The following ZFPM2 variants were observed in gnomAD, a reference collection of about 807,000 sequenced individuals.
The protein encoded by ZFPM2 is zinc finger protein ZFPM2.
A neutral mutation model predicts 98.6 loss-of-function variants in ZFPM2; 20 were observed. The observed-to-expected ratio is 0.20, with a 90% CI of 0.14 to 0.29. The LOEUF is 0.29. ZFPM2 is among the 10% of genes least tolerant of loss of function. The pLI, the probability that ZFPM2 is intolerant of heterozygous loss-of-function variation, is 1.00. For missense variants in ZFPM2, 1,310 were observed against 1,388.6 expected (o/e 0.94, Z 0.90); for synonymous variants, 518 against 502.7 (o/e 1.03, Z -0.41).
intron 1 of ZFPM2, among the ~76,000 whole-genome samples, chr8:105,389,535 AAATAACATTCTACTAC>A (rs1169563508): frequency 2.0e-5 from 3 of 152,172 alleles, no homozygotes; most frequent in Non-Finnish European, 4.4e-5. Context: ...TTTCTCTTCA[AAATAACATTCTACTAC>A]ATTGTTATTC....
intron 3 of ZFPM2, among the ~76,000 whole-genome samples, chr8:105,476,684 GTA>G (rs1813018514): frequency 6.6e-6 from 1 of 152,248 alleles, no homozygotes; most frequent in South Asian, 2.1e-4. Context: ...GATTTGCATA[GTA>G]TAGGGCCCAT....
chr8:105,454,682 G>GTGAA (rs972928232), intron 3 of ZFPM2, among the ~76,000 whole-genome samples: 1 of 152,132 alleles, frequency 6.6e-6, no homozygotes, highest in Admixed American at 6.5e-5. Context: ...CATTTTTTAT[G>GTGAA]TGAATGTATT....
chr8:105,580,827 C>CTCTCTCTA (rs1277698205), intron 4 of ZFPM2, among the ~76,000 whole-genome samples: 16 of 131,452 alleles, frequency 1.2e-4, no homozygotes, highest in African/African-American at 3.7e-4. Flanking sequence ...CTCTCTCTCT[C>CTCTCTCTA]TATATATATA....
In ZFPM2 at chr8:105,422,329, C is replaced by T. The variant is rs111232697; in HGVS notation, c.199+3027C>T. Among the ~76,000 whole-genome samples, 58 of 151,626 alleles carry T rather than the reference C, an allele frequency of 3.8e-4. 1 individual carries two copies. Among genetic ancestry groups the T allele is most frequent in the African/African-American group, 1.4e-3 (57 of 41,358 alleles). ...GTGGGTGCCTGTAGTCCCAGCTACTCGGGAGGCTGAGGCAGACAGAATTGC... is the reference window on the plus strand; with the variant it reads ...GTGGGTGCCTGTAGTCCCAGCTACTTGGGAGGCTGAGGCAGACAGAATTGC... On this transcript the variant is annotated intron_variant, in intron 2 of 7. Coordinates refer to ENST00000407775, the MANE Select transcript of ZFPM2 (RefSeq NM_012082.4).
At chr8:105,529,124 C>G (rs1814239080) in intron 3 of ZFPM2, among the ~76,000 whole-genome samples, 1 of 152,120 alleles carries the variant, frequency 6.6e-6, no homozygotes, top group African/African-American at 2.4e-5. Context: ...TGAAGTCTCT[C>G]TCCCTAGCTT....
chr8:105,631,097 GA>G (rs1227386776), intron 4 of ZFPM2, among the ~76,000 whole-genome samples: 1 of 152,092 alleles, frequency 6.6e-6, no homozygotes, highest in Non-Finnish European at 1.5e-5. Flanking sequence ...TTTCTTATCT[GA>G]AAATATACAT....
chr8:105,489,007 C>T (rs965900406), intron 3 of ZFPM2, among the ~76,000 whole-genome samples: 2 of 152,128 alleles, frequency 1.3e-5, no homozygotes, highest in Non-Finnish European at 2.9e-5. Flanking sequence ...ATGATACTAA[C>T]ACCTTAAGAA....
At chr8:105,620,264 G>C (rs193296020) in intron 4 of ZFPM2, among the ~76,000 whole-genome samples, 15 of 152,220 alleles carry the variant, frequency 9.9e-5, no homozygotes, top group African/African-American at 3.6e-4. Context: ...GTTTTGATTT[G>C]CGTTTCTCTG....
chr8:105,801,019 A>G, intron 7 of ZFPM2, 28 bp from the exon 8 acceptor site: 5 of 1,580,754 alleles, frequency 3.2e-6, no homozygotes, highest in Non-Finnish European at 4.3e-6. Context: ...CATGTTTCTC[A>G]TTGTTCTTAT....
At position 105,494,174 on chromosome 8, in the gene ZFPM2, C is replaced by T. The variant is rs1220507774; in HGVS notation, c.301+49793C>T. Among the ~76,000 whole-genome samples the T allele has an allele frequency of 9.2e-5, 8 of 87,166 alleles. No homozygotes were observed. In the East Asian group the frequency reaches 2.8e-3, roughly 31 times the overall value. The allele number at this position is 87,166 out of a possible 152,430, so 57.2% of individuals were successfully genotyped here. On this transcript the variant is annotated intron_variant, in intron 3 of 7. Coordinates refer to ENST00000407775, the MANE Select transcript of ZFPM2 (RefSeq NM_012082.4). Reference sequence around the variant, plus strand: ...GTAGCTTTAGCTCACATTTAAGCTGCCACCAAAAGTATATATATATATATA... The same window carrying T: ...GTAGCTTTAGCTCACATTTAAGCTGTCACCAAAAGTATATATATATATATA...
At chr8:105,796,696 T>TAAGA (rs1813828581) in intron 6 of ZFPM2, 1 of 152,168 alleles carries the variant, frequency 6.6e-6, no homozygotes, top group Non-Finnish European at 1.5e-5. Context: ...TCACAAATTA[T>TAAGA]AAGATCAGCC....
At chr8:105,684,343 A>G (rs1810684144) in intron 5 of ZFPM2, among the ~76,000 whole-genome samples, 1 of 152,116 alleles carries the variant, frequency 6.6e-6, no homozygotes, top group African/African-American at 2.4e-5. Flanking sequence ...TATTTTTTTA[A>G]GTAGAATGAA....
chr8:105,782,138 CAATAAGAT>C (rs1813269709), intron 5 of ZFPM2, among the ~76,000 whole-genome samples: 1 of 152,112 alleles, frequency 6.6e-6, no homozygotes, highest in Non-Finnish European at 1.5e-5. Context: ...TGGGGGAAAT[CAATAAGAT>C]AATTCATGCA....
intron 5 of ZFPM2, among the ~76,000 whole-genome samples, chr8:105,681,293 A>G (rs1437702575): frequency 6.6e-6 from 1 of 152,064 alleles, no homozygotes; most frequent in East Asian, 1.9e-4. Context: ...CCATCCTACC[A>G]TGCTGTCTCT....
chr8:105,544,392 C>T (rs868441583), intron 3 of ZFPM2, among the ~76,000 whole-genome samples: 22 of 152,124 alleles, frequency 1.4e-4, no homozygotes, highest in African/African-American at 4.1e-4. Flanking sequence ...CTTTTTCTTC[C>T]CTTGTAATTG....
intron 1 of ZFPM2, among the ~76,000 whole-genome samples, chr8:105,410,039 G>T (rs1377449751): frequency 6.6e-6 from 1 of 151,804 alleles, no homozygotes; most frequent in East Asian, 1.9e-4. Context: ...GAAAAGAATC[G>T]CTTTAATAGG....
At chr8:105,749,870 T>TG (rs1812437038) in intron 5 of ZFPM2, among the ~76,000 whole-genome samples, 2 of 151,978 alleles carry the variant, frequency 1.3e-5, no homozygotes, top group Non-Finnish European at 2.9e-5. Flanking sequence ...TCTAGTACTT[T>TG]GTCATGCTGG....
chr8:105,430,192 C>T (rs1811993261), intron 2 of ZFPM2, among the ~76,000 whole-genome samples: 1 of 152,152 alleles, frequency 6.6e-6, no homozygotes, highest in Non-Finnish European at 1.5e-5. Flanking sequence ...CTTGGACAGA[C>T]TCCTCCCAAG....
At chr8:105,428,261 CAAAAAT>C (rs1484695182) in intron 2 of ZFPM2, among the ~76,000 whole-genome samples, 2 of 151,994 alleles carry the variant, frequency 1.3e-5, no homozygotes, top group Admixed American at 1.3e-4. Context: ...ATGTGTCAGT[CAAAAAT>C]AAGGGTGCTT....
Sources: allele counts gnomAD v4.1 joint callset (sites outside exome capture counted in the v4.1 genomes callset), GRCh38; gene constraint gnomAD v4.1.1; transcripts MANE v1.5; gene names NCBI Gene and HGNC (gene_info 2026-07-23, HGNC 2026-07-21).